MARCHF1: variants seen among roughly 807,000 people sequenced by gnomAD.
The protein encoded by MARCHF1 is E3 ubiquitin-protein ligase MARCHF1.
A neutral mutation model predicts 54.2 loss-of-function variants in MARCHF1; 40 were observed. The observed-to-expected ratio is 0.74, with a 90% CI of 0.57 to 0.96. MARCHF1 has a LOEUF of 0.96. Among genes scored for constraint, MARCHF1 ranks in the 40% least tolerant of loss-of-function variants. The pLI, the probability that MARCHF1 is intolerant of heterozygous loss-of-function variation, is 0.00. For missense variants in MARCHF1, 586 were observed against 656.5 expected, an observed-to-expected ratio of 0.89 and a Z score of 1.17; for synonymous variants, 236 against 236.3, an observed-to-expected ratio of 1.00 and a Z score of 0.01.
At chr4:164,157,061 T>C (rs924740448) in intron 1 of MARCHF1, among the ~76,000 whole-genome samples, 6 of 152,198 alleles carry the variant, frequency 3.9e-5, no homozygotes, top group African/African-American at 1.4e-4. Context: ...CTTCTCTCAC[T>C]CTTATAAATT....
chr4:164,299,799 C>G lies in MARCHF1; in HGVS notation c.-323+84071G>C, dbSNP rs143340400. Among the ~76,000 whole-genome samples, 124 of 152,094 alleles carry G rather than the reference C, an allele frequency of 8.2e-4. 1 individual carries two copies. The highest frequency in any genetic ancestry group is 3.4e-3 in the Middle Eastern group (1 of 294). On this transcript the variant is annotated intron_variant, in intron 1 of 9. Transcript: ENST00000514618. Reference sequence around the variant, plus strand: ...TACAGAGGAAAATAGAGAGGTGGCACTAATATAAAAACAGGTAACTTTTAT... The same window carrying G: ...TACAGAGGAAAATAGAGAGGTGGCAGTAATATAAAAACAGGTAACTTTTAT...
intron 1 of MARCHF1, among the ~76,000 whole-genome samples, chr4:164,222,395 G>A (rs1579636005): frequency 6.6e-6 from 1 of 151,982 alleles, no homozygotes; most frequent in East Asian, 1.9e-4. Flanking sequence ...TCATCTATAT[G>A]AAAGAAATAT....
Position 164,189,340 on chromosome 4 carries a change from C to G in MARCHF1, c.-322-77678G>C. The G allele has an allele frequency of 3.3e-6, 2 of 613,434 alleles. 1 individual carries two copies. Among genetic ancestry groups the G allele is most frequent in the South Asian group, 4.2e-5 (2 of 47,156 alleles). The allele number at this position is 613,434 out of a possible 1,614,324, so 38.0% of individuals were successfully genotyped here. On this transcript the variant is annotated intron_variant, in intron 1 of 9. Coordinates refer to ENST00000514618, the MANE Select transcript of MARCHF1 (RefSeq NM_001394959.1). ...TGAAGGAGAAGACTTTTCTGAGACCCTGACTCAGGCCAAATTTTAAGAGCT... is the reference window on the plus strand; with the variant it reads ...TGAAGGAGAAGACTTTTCTGAGACCGTGACTCAGGCCAAATTTTAAGAGCT...
intron 1 of MARCHF1, among the ~76,000 whole-genome samples, chr4:164,290,455 T>C (rs1734260157): frequency 6.6e-6 from 1 of 151,934 alleles, no homozygotes. Flanking sequence ...ATTCCTAAAG[T>C]TCAAAAACCG....
chr4:163,846,190 G>A (rs76590453), intron 4 of MARCHF1, among the ~76,000 whole-genome samples: 1,680 of 152,228 alleles, frequency 0.011, 38 homozygotes, highest in East Asian at 0.074. Flanking sequence ...ATGAGGAACC[G>A]CAACTGAAAA....
At chr4:163,952,296 A>T (rs1752149413) in intron 3 of MARCHF1, among the ~76,000 whole-genome samples, 2 of 152,162 alleles carry the variant, frequency 1.3e-5, no homozygotes, top group South Asian at 4.1e-4. Context: ...AAAATGCTAA[A>T]CCAAAGACAT....
chr4:164,290,869 C>A (rs1734268150), intron 1 of MARCHF1, among the ~76,000 whole-genome samples: 2 of 151,830 alleles, frequency 1.3e-5, no homozygotes, highest in African/African-American at 4.8e-5. Context: ...TAGAAATAGA[C>A]ACATTTCTCC....
At chr4:164,370,870 C>T (rs1731019950) in intron 1 of MARCHF1, among the ~76,000 whole-genome samples, 1 of 152,026 alleles carries the variant, frequency 6.6e-6, no homozygotes, top group Admixed American at 6.6e-5. Context: ...ATCTTGCCAC[C>T]ACCCTCTAGC....
intron 2 of MARCHF1, among the ~76,000 whole-genome samples, chr4:164,091,862 T>TTGTGTGTGTGTG (rs56160451): frequency 4.7e-4 from 70 of 148,650 alleles, no homozygotes; most frequent in Middle Eastern, 3.4e-3. Context: ...ATGTATACTT[T>TTGTGTGTGTGTG]TGTGTGTGTG....
chr4:163,565,594 C>T (rs559998126), intron 8 of MARCHF1, among the ~76,000 whole-genome samples: 48 of 152,228 alleles, frequency 3.2e-4, no homozygotes, highest in African/African-American at 1.1e-3. Context: ...TTATCATGAA[C>T]CTTGTTAGAA....
intron 3 of MARCHF1, among the ~76,000 whole-genome samples, chr4:163,898,841 A>C (rs962037248): frequency 3.3e-5 from 5 of 152,152 alleles, no homozygotes; most frequent in Non-Finnish European, 7.4e-5. Context: ...TACACCTTGG[A>C]GTATTTACGT....
At chr4:164,001,401 A>G (rs75390715) in intron 2 of MARCHF1, among the ~76,000 whole-genome samples, 1,734 of 151,976 alleles carry the variant, frequency 0.011, 28 homozygotes, top group African/African-American at 0.04. Flanking sequence ...ATAAGAGACA[A>G]GATAAATAGC....
chr4:163,825,268 T>C (rs1345766990), intron 4 of MARCHF1, among the ~76,000 whole-genome samples: 1 of 152,040 alleles, frequency 6.6e-6, no homozygotes, highest in South Asian at 2.1e-4. Flanking sequence ...GCAAAGAACA[T>C]GAGCTTGTTA....
chr4:163,855,587 GATAC>G (rs1204650381), intron 3 of MARCHF1, among the ~76,000 whole-genome samples: 1 of 152,104 alleles, frequency 6.6e-6, no homozygotes, highest in African/African-American at 2.4e-5. Flanking sequence ...GGAGTGAAAT[GATAC>G]ATAATGACCA....
chr4:164,173,987 A>G (rs1355425353), intron 1 of MARCHF1, among the ~76,000 whole-genome samples: 1 of 152,228 alleles, frequency 6.6e-6, no homozygotes, highest in Admixed American at 6.5e-5. Context: ...AGGTTAAAAA[A>G]CAAAAGGTAA....
At chr4:163,535,024 TTAAAG>T (rs1297776183) in intron 9 of MARCHF1, among the ~76,000 whole-genome samples, 4 of 152,074 alleles carry the variant, frequency 2.6e-5, no homozygotes, top group Non-Finnish European at 5.9e-5. Flanking sequence ...ATATAATACT[TTAAAG>T]TAGTAATAAT....
chr4:163,907,499 A>C (rs1288639253), intron 3 of MARCHF1, among the ~76,000 whole-genome samples: 1 of 152,142 alleles, frequency 6.6e-6, no homozygotes. Flanking sequence ...CATGTAAACA[A>C]AGTAGCCAAG....
intron 1 of MARCHF1, among the ~76,000 whole-genome samples, chr4:164,231,154 T>C (rs1190500053): frequency 1.3e-5 from 2 of 152,166 alleles, no homozygotes; most frequent in African/African-American, 2.4e-5. Flanking sequence ...TCTCTACCAA[T>C]AACTCTATGT....
intron 8 of MARCHF1, among the ~76,000 whole-genome samples, chr4:163,564,165 G>C (rs1416166204): frequency 3.9e-5 from 6 of 152,120 alleles, no homozygotes. Context: ...CTATAAACAG[G>C]CTCAAATCTT....
Sources: gnomAD v4.1 joint callset for allele counts (sites outside exome capture counted in the v4.1 genomes callset) on GRCh38, gnomAD v4.1.1 for gene constraint, MANE v1.5 for transcripts, NCBI Gene and HGNC (gene_info 2026-07-23, HGNC 2026-07-21) for gene names.